KIF1B: variants seen among roughly 807,000 people sequenced by gnomAD.
KIF1B encodes the protein kinesin-like protein KIF1B.
A neutral mutation model predicts 241.9 loss-of-function variants in KIF1B; 76 were observed. That is an observed-to-expected ratio of 0.31 (90% CI 0.26 to 0.38). The LOEUF (loss-of-function observed/expected upper bound fraction) is 0.38, where lower values mean the gene tolerates loss of function less well. KIF1B is among the 10% of genes least tolerant of loss of function. The pLI is 1.00. For synonymous variants in KIF1B, 750 were observed against 796.7 expected, an observed-to-expected ratio of 0.94 and a Z score of 0.99; for missense variants, 1,622 against 2,271.4, an observed-to-expected ratio of 0.71 and a Z score of 5.81.
intron 4 of KIF1B, among the ~76,000 whole-genome samples, chr1:10,258,944 G>A (rs569438156): frequency 6.6e-6 from 1 of 152,316 alleles, no homozygotes; most frequent in Non-Finnish European, 1.5e-5. Context: ...CATTTGAAAA[G>A]TGTTACCAGC....
At chr1:10,304,512 A>G in intron 22 of KIF1B, 1 of 1,613,494 alleles carries the variant, frequency 6.2e-7, no homozygotes, top group Non-Finnish European at 8.5e-7. Context: ...GAGGTCAGTT[A>G]GAGGGCAATG....
intron 5 of KIF1B, 64 bp downstream of exon 5, chr1:10,262,034 A>G: frequency 9.3e-7 from 1 of 1,074,288 alleles, no homozygotes; most frequent in Non-Finnish European, 1.4e-6. Flanking sequence ...CATCACTTAA[A>G]TGGCTCCAAA....
intron 2 of KIF1B, among the ~76,000 whole-genome samples, chr1:10,233,146 C>T (rs960989919): frequency 3.3e-5 from 5 of 152,128 alleles, no homozygotes; most frequent in African/African-American, 1.2e-4. Flanking sequence ...AGCTTGTGCT[C>T]CATTTGCCAA....
intron 41 of KIF1B, among the ~76,000 whole-genome samples, chr1:10,363,992 A>G (rs1638495798): frequency 6.6e-6 from 1 of 152,132 alleles, no homozygotes; most frequent in African/African-American, 2.4e-5. Context: ...TTATTATACT[A>G]TCCAGATAGT....
intron 22 of KIF1B, among the ~76,000 whole-genome samples, chr1:10,298,522 G>T (rs574543301): frequency 6.6e-6 from 1 of 152,302 alleles, no homozygotes; most frequent in South Asian, 2.1e-4. Context: ...ACCAACAGAG[G>T]CTCTTTAGGA....
At chr1:10,312,527 G>A (rs76393961) in intron 22 of KIF1B, among the ~76,000 whole-genome samples, 2,863 of 151,556 alleles carry the variant, frequency 0.019, 51 homozygotes, top group Non-Finnish European at 0.028. Context: ...AAGGCCATCT[G>A]TACTCCATTT....
chr1:10,376,889 ACT>A lies in KIF1B; in HGVS notation c.*305_*306del. 1 of 426,954 alleles carries A rather than the reference ACT, an allele frequency of 2.3e-6. No homozygotes were observed. Among genetic ancestry groups the A allele is most frequent in the Non-Finnish European group, 4.4e-6 (1 of 227,426 alleles). The allele number at this position is 426,954 out of a possible 1,614,324, so 26.4% of individuals were successfully genotyped here. The stretch of plus-strand genomic sequence containing the variant: ...CACATACACAGACAAAAACACAAAA[ACT>A]CTGAGGGGATCTGGTGAATCTCCAA... On this transcript the variant is annotated 3_prime_UTR_variant, in exon 49 of 49. Coordinates refer to ENST00000676179, the MANE Select transcript of KIF1B (RefSeq NM_001365951.3).
chr1:10,319,436 G>C (rs936806677), intron 22 of KIF1B, among the ~76,000 whole-genome samples: 1 of 152,126 alleles, frequency 6.6e-6, no homozygotes, highest in Non-Finnish European at 1.5e-5. Flanking sequence ...TGAAAATAAA[G>C]TGTCTTACTT....
At chr1:10,302,410 A>T (rs1215304787) in intron 22 of KIF1B, among the ~76,000 whole-genome samples, 1 of 152,230 alleles carries the variant, frequency 6.6e-6, no homozygotes, top group Non-Finnish European at 1.5e-5. Flanking sequence ...CTGCTCATGG[A>T]AAGATGATTT....
intron 1 of KIF1B, among the ~76,000 whole-genome samples, chr1:10,226,358 G>A (rs1646908756): frequency 6.6e-6 from 1 of 152,150 alleles, no homozygotes; most frequent in African/African-American, 2.4e-5. Flanking sequence ...ATAGAAAAAT[G>A]TATGTGTGTA....
chr1:10,326,039 C>A lies in KIF1B; in HGVS notation c.2676-72C>A. 4 of 1,588,510 alleles carry A rather than the reference C, an allele frequency of 2.5e-6. No individual in the cohort carries two copies. The Admixed American group carries it at 5.0e-5, about 20-fold the overall frequency. ...CCAGTGGATTCTGTCCTGTTAGCAC[C>A]TATTGCTTCCTGTTTAACCAACTAT... On this transcript the variant is annotated intron_variant, in intron 26 of 48. Transcript: ENST00000676179. This position sits in a 1 kb window ranked among gnomAD's most constrained non-coding sequence, Gnocchi z 5.2.
At chr1:10,229,010 G>A (rs1023434310) in intron 1 of KIF1B, among the ~76,000 whole-genome samples, 1 of 152,150 alleles carries the variant, frequency 6.6e-6, no homozygotes, top group African/African-American at 2.4e-5. Context: ...TTGGACATGA[G>A]GAGAGTTAAG....
intron 17 of KIF1B, 26 bp downstream of exon 17, chr1:10,292,148 A>C: frequency 6.3e-7 from 1 of 1,581,412 alleles, no homozygotes; most frequent in Non-Finnish European, 8.7e-7. Context: ...GTGAAACCTA[A>C]TCAGACAGAG....
At chr1:10,316,089 C>T (rs972922816) in intron 22 of KIF1B, among the ~76,000 whole-genome samples, 1 of 146,472 alleles carries the variant, frequency 6.8e-6, no homozygotes, top group Admixed American at 6.8e-5. Flanking sequence ...ATGAAGGGGC[C>T]AGGCACGTTG....
Position 10,267,459 on chromosome 1 carries a change from A to G in KIF1B, c.509A>G (p.Glu170Gly). The G allele has an allele frequency of 6.2e-7, 1 of 1,614,180 alleles. No individual in the cohort carries two copies. The highest frequency in any genetic ancestry group is 8.5e-7 in the Non-Finnish European group (1 of 1,180,002). ...PKNKGNLRVR[E>G]HPLLGPYVED... ...AACAAGGGTAATTTGCGTGTGCGTG[A>G]ACACCCACTTCTTGGACCCTATGTG... The change falls in exon 6 of 49, where the codon GAA becomes GGA. Residue 170 changes from glutamate (E) to glycine (G), a missense_variant. Glu to Gly is a moderately conservative substitution (Grantham distance 98). Coordinates refer to ENST00000676179, the MANE Select transcript of KIF1B (RefSeq NM_001365951.3).
intron 1 of KIF1B, among the ~76,000 whole-genome samples, chr1:10,229,901 G>GAAAATTAGGGGCC (rs1646958693): frequency 2.4e-5 from 3 of 124,070 alleles, no homozygotes; most frequent in African/African-American, 1.0e-4. Flanking sequence ...AAAAAGAAAA[G>GAAAATTAGGGGCC]AAAATTAGGG....
At chr1:10,258,730 G>T (rs2102187027) in intron 4 of KIF1B, 58 bp downstream of exon 4, 1 of 1,533,300 alleles carries the variant, frequency 6.5e-7, no homozygotes, top group East Asian at 2.3e-5. Context: ...GTCTTAAATT[G>T]CTTTAACAGT....
chr1:10,331,307 T>C (rs1651913840), intron 27 of KIF1B, among the ~76,000 whole-genome samples: 1 of 152,210 alleles, frequency 6.6e-6, no homozygotes, highest in Non-Finnish European at 1.5e-5. Context: ...AAATTCTTTG[T>C]CTTTTAAATT....
At chr1:10,291,983 C>T in intron 16 of KIF1B, 64 bp from the exon 17 acceptor site, 4 of 1,377,806 alleles carry the variant, frequency 2.9e-6, no homozygotes, top group Non-Finnish European at 3.1e-6. Context: ...TTTTCCAATT[C>T]ATATTAGACT....
Sources: allele counts gnomAD v4.1 joint callset (sites outside exome capture counted in the v4.1 genomes callset), GRCh38; gene constraint gnomAD v4.1.1; non-coding constraint Gnocchi (gnomAD v3.1); transcripts MANE v1.5; gene names NCBI Gene and HGNC (gene_info 2026-07-23, HGNC 2026-07-21).